Variants in GADL1 observed in about 807,000 individuals in gnomAD.
The protein encoded by GADL1 is acidic amino acid decarboxylase GADL1.
Under a neutral mutation model 69.5 loss-of-function variants are expected in GADL1, and 71 were observed. The observed-to-expected ratio is 1.02, with a 90% CI of 0.84 to 1.25. GADL1 has a LOEUF of 1.25. Among genes scored for constraint, GADL1 ranks in the 50% most tolerant of loss-of-function variants. The pLI, the probability that GADL1 is intolerant of heterozygous loss-of-function variation, is 0.00. For synonymous variants in GADL1, 254 were observed against 214.4 expected (o/e 1.18, Z -1.62); for missense variants, 737 against 631.8 (o/e 1.17, Z -1.79).
At chr3:30,792,635 CAAT>C (rs1342611401) in intron 12 of GADL1, among the ~76,000 whole-genome samples, 4 of 152,070 alleles carry the variant, frequency 2.6e-5, no homozygotes, top group Admixed American at 1.3e-4. Context: ...TTGGATTGTT[CAAT>C]AATATCAGGA....
At chr3:30,833,276 C>T (rs1697820468) in intron 11 of GADL1, among the ~76,000 whole-genome samples, 1 of 152,006 alleles carries the variant, frequency 6.6e-6, no homozygotes, top group African/African-American at 2.4e-5. Context: ...AACTTTTTTT[C>T]CACTTGCCTC....
chr3:30,834,837 C>G (rs941870088), intron 9 of GADL1, among the ~76,000 whole-genome samples: 2 of 152,038 alleles, frequency 1.3e-5, no homozygotes, highest in Non-Finnish European at 2.9e-5. Context: ...GGAAGTTATC[C>G]ACTGGAGAAG....
chr3:30,759,808 C>A (rs1287419824), intron 14 of GADL1, among the ~76,000 whole-genome samples: 1 of 152,160 alleles, frequency 6.6e-6, no homozygotes, highest in Non-Finnish European at 1.5e-5. Context: ...TCTCCAATAT[C>A]TTTTAAGGTT....
intron 14 of GADL1, among the ~76,000 whole-genome samples, chr3:30,737,935 A>G (rs1396926082): frequency 1.3e-5 from 2 of 152,186 alleles, no homozygotes; most frequent in Non-Finnish European, 2.9e-5. Flanking sequence ...TGTTTACAAC[A>G]TAGTGACAAT....
At chr3:30,793,831 G>A (rs1696972753) in intron 12 of GADL1, among the ~76,000 whole-genome samples, 1 of 151,904 alleles carries the variant, frequency 6.6e-6, no homozygotes, top group African/African-American at 2.4e-5. Context: ...GAACCATTTT[G>A]GACCAAGTTT....
At chr3:30,755,816 C>T (rs938342716) in intron 14 of GADL1, among the ~76,000 whole-genome samples, 7 of 115,516 alleles carry the variant, frequency 6.1e-5, no homozygotes, top group Middle Eastern at 3.8e-3. Flanking sequence ...AAACAAATGC[C>T]AAAGGTACTT....
chr3:30,792,832 A>AC (rs1333679554), intron 12 of GADL1, among the ~76,000 whole-genome samples: 2 of 152,182 alleles, frequency 1.3e-5, no homozygotes, highest in Non-Finnish European at 2.9e-5. Flanking sequence ...AGAAGTCTTC[A>AC]CAGTATCTTG....
At chr3:30,784,679 T>C (rs1696750097) in intron 13 of GADL1, among the ~76,000 whole-genome samples, 1 of 152,228 alleles carries the variant, frequency 6.6e-6, no homozygotes, top group Admixed American at 6.5e-5. Context: ...TGCTTATTTT[T>C]CTCTTGTCCT....
intron 11 of GADL1, among the ~76,000 whole-genome samples, chr3:30,813,975 C>T (rs1697409324): frequency 1.3e-5 from 2 of 152,112 alleles, no homozygotes; most frequent in Non-Finnish European, 2.9e-5. Flanking sequence ...TTTGTTCAGG[C>T]AGAAAGAGCC....
intron 12 of GADL1, among the ~76,000 whole-genome samples, chr3:30,790,380 CA>C (rs1696889966): frequency 6.6e-6 from 1 of 152,022 alleles, no homozygotes. Context: ...TGAGAATTAC[CA>C]AAACATAACA....
intron 11 of GADL1, among the ~76,000 whole-genome samples, chr3:30,802,997 T>C (rs1010654365): frequency 6.6e-6 from 1 of 152,010 alleles, no homozygotes; most frequent in African/African-American, 2.4e-5. Context: ...ATGCCTGAAG[T>C]GGGAAGATCA....
intron 11 of GADL1, among the ~76,000 whole-genome samples, chr3:30,822,001 C>T (rs1191675963): frequency 3.3e-5 from 5 of 152,066 alleles, no homozygotes; most frequent in Non-Finnish European, 7.4e-5. Context: ...GACTATTCCA[C>T]ATTTCCTGTA....
In GADL1 at chr3:30,752,677, TAGC is replaced by T. The variant is rs564050140; in HGVS notation, c.1393-24265_1393-24263del. On this transcript the variant is annotated intron_variant, in intron 14 of 14. Transcript: ENST00000282538. ...AGCATACTTCATAGCACTGTGACAG[TAGC>T]AGAAGGGAGAAAGTGACTGTTCTAG... Among the ~76,000 whole-genome samples the T allele has an allele frequency of 8.1e-4, 123 of 152,308 alleles. No homozygotes were observed. The Middle Eastern group carries it at 0.014, about 17-fold the overall frequency.
At chr3:30,770,136 A>G (rs1055540689) in intron 14 of GADL1, among the ~76,000 whole-genome samples, 1 of 152,156 alleles carries the variant, frequency 6.6e-6, no homozygotes, top group Non-Finnish European at 1.5e-5. Flanking sequence ...ACTTCAGTGT[A>G]TCACAGTCCC....
intron 13 of GADL1, among the ~76,000 whole-genome samples, chr3:30,781,192 GATAAAGGAGT>G (rs1696658131): frequency 1.3e-5 from 2 of 152,118 alleles, no homozygotes; most frequent in Admixed American, 6.6e-5. Context: ...AAAAATTCAT[GATAAAGGAGT>G]AATGTGCCAT....
At position 30,789,499 on chromosome 3, in the gene GADL1, A is replaced by G. The variant is rs146314676; in HGVS notation, c.1251-3093T>C. On this transcript the variant is annotated intron_variant, in intron 12 of 14. Transcript: ENST00000282538. The stretch of plus-strand genomic sequence containing the variant: ...GCATTGACTTCAACCTAAAGTCACC[A>G]GCTGCATTAGCTCCTAACAATAGAT... Among the ~76,000 whole-genome samples the G allele has an allele frequency of 1.9e-3, 286 of 152,326 alleles. No individual in the cohort carries two copies. The South Asian group carries it at 0.02, about 11-fold the overall frequency.
chr3:30,828,403 C>T (rs1697719687), intron 11 of GADL1, among the ~76,000 whole-genome samples: 1 of 147,650 alleles, frequency 6.8e-6, no homozygotes, highest in Non-Finnish European at 1.5e-5. Flanking sequence ...CTATGTGGCT[C>T]AGCACATCCT....
chr3:30,815,913 C>G (rs1697459370), intron 11 of GADL1, among the ~76,000 whole-genome samples: 1 of 152,138 alleles, frequency 6.6e-6, no homozygotes, highest in African/African-American at 2.4e-5. Context: ...AATCCCAGTT[C>G]CATCCTTTAT....
chr3:30,866,331 C>T (rs149677691), intron 1 of GADL1, among the ~76,000 whole-genome samples: 1 of 152,040 alleles, frequency 6.6e-6, no homozygotes, highest in East Asian at 2.0e-4. Flanking sequence ...TAGTGGCACA[C>T]ACCTGTAGTC....
Sources: gnomAD v4.1 joint callset for allele counts (sites outside exome capture counted in the v4.1 genomes callset) on GRCh38, gnomAD v4.1.1 for gene constraint, MANE v1.5 for transcripts, NCBI Gene and HGNC (gene_info 2026-07-23, HGNC 2026-07-21) for gene names.